Variants in CACNA1C observed in about 807,000 individuals in gnomAD.
CACNA1C encodes the protein voltage-dependent L-type calcium channel subunit alpha-1C.
A neutral mutation model predicts 229.0 loss-of-function variants in CACNA1C; 30 were observed. The observed-to-expected ratio is 0.13, with a 90% CI of 0.10 to 0.18. The LOEUF (loss-of-function observed/expected upper bound fraction) is 0.18. CACNA1C is among the 10% of genes least tolerant of loss of function. CACNA1C has a pLI of 1.00. For synonymous variants in CACNA1C, 1,114 were observed against 1,132.5 expected (o/e 0.98, Z 0.33); for missense variants, 1,658 against 2,845.0 (o/e 0.58, Z 9.49).
At position 2,278,396 on chromosome 12, in the gene CACNA1C, T is replaced by G. The variant is rs112036760; in HGVS notation, c.477+157966T>G. 3.2e-3 allele frequency among the ~76,000 whole-genome samples: 484 copies of G among 152,356 alleles called. 1 individual carries two copies. The highest frequency in any genetic ancestry group is 0.011 in the African/African-American group (458 of 41,584). Reference sequence around the variant, plus strand: ...TCCCAAAAGTTTCCTTTTGCCCCTTTGTAATCCCAGTAGCTCAGCCCTCCT... The same window carrying G: ...TCCCAAAAGTTTCCTTTTGCCCCTTGGTAATCCCAGTAGCTCAGCCCTCCT... On this transcript the variant is annotated intron_variant, in intron 3 of 46. Coordinates refer to ENST00000399655, the MANE Select transcript of CACNA1C (RefSeq NM_000719.7).
intron 1 of CACNA1C, among the ~76,000 whole-genome samples, chr12:2,075,956 A>G (rs750797180): frequency 1.2e-4 from 18 of 152,196 alleles, no homozygotes; most frequent in Non-Finnish European, 2.1e-4. Context: ...GCATGCTCAG[A>G]GATAAAAGTC....
At chr12:1,978,497 C>A (rs1208212154) in intron 1 of CACNA1C, among the ~76,000 whole-genome samples, 2 of 152,088 alleles carry the variant, frequency 1.3e-5, no homozygotes, top group South Asian at 2.1e-4. Context: ...TTAAATACTT[C>A]TTTTATAAGG....
In CACNA1C at chr12:2,679,805, GAGGC is replaced by G; in HGVS notation, c.5444+10_5444+13del. Reference sequence around the variant, plus strand: ...AAGCTCAGCTCCAACAGGTAAGTGGGAGGCTGGCCACCCCAGGCGGCACACAGGG... The same window carrying G: ...AAGCTCAGCTCCAACAGGTAAGTGGGTGGCCACCCCAGGCGGCACACAGGG... On this transcript the variant is annotated intron_variant, in intron 42 of 46. Coordinates refer to ENST00000399655, the MANE Select transcript of CACNA1C (RefSeq NM_000719.7). The surrounding 1 kb of genome is among the most constrained non-coding windows in gnomAD (Gnocchi z 5.5). The G allele has an allele frequency of 6.5e-7, 1 of 1,540,562 alleles. No individual in the cohort carries two copies. The highest frequency in any genetic ancestry group is 8.8e-7 in the Non-Finnish European group (1 of 1,137,624).
At position 2,166,665 on chromosome 12, in the gene CACNA1C, T is replaced by C. The variant is rs150235547; in HGVS notation, c.477+46235T>C. 2.1e-3 allele frequency among the ~76,000 whole-genome samples: 319 copies of C among 152,366 alleles called. 3 individuals carry two copies. The highest frequency in any genetic ancestry group is 7.5e-3 in the African/African-American group (310 of 41,590). ...TCCCTCATAGCGTTGTTAGGAGGAC[T>C]AAATGGGTTAGTATTTGTTAAATGC... On this transcript the variant is annotated intron_variant, in intron 3 of 46. Coordinates refer to ENST00000399655, the MANE Select transcript of CACNA1C (RefSeq NM_000719.7).
chr12:2,632,796 C>T lies in CACNA1C; in HGVS notation c.3829-1501C>T, dbSNP rs2091111673. ...GTCTGCATTCAGCAGGACCCTACCT[C>T]CAAATGACCATGAAAGAACCTGGGG... On this transcript the variant is annotated intron_variant, in intron 29 of 46. Transcript: ENST00000399655. This position sits in a 1 kb window ranked among gnomAD's most constrained non-coding sequence, Gnocchi z 4.1. 6.6e-6 allele frequency among the ~76,000 whole-genome samples: 1 copy of T among 152,156 alleles called. No homozygotes were observed.
intron 5 of CACNA1C, among the ~76,000 whole-genome samples, chr12:2,478,230 G>A (rs533524230): frequency 6.6e-5 from 10 of 152,194 alleles, no homozygotes; most frequent in African/African-American, 2.2e-4. Context: ...ACCGTCCTTT[G>A]GGCATAATTC....
intron 3 of CACNA1C, among the ~76,000 whole-genome samples, chr12:2,380,030 C>CAAAAA (rs1172016514): frequency 1.2e-4 from 10 of 80,152 alleles, no homozygotes; most frequent in African/African-American, 3.8e-4. Context: ...GACTCCGTCT[C>CAAAAA]AAAAAAAAAA....
intron 3 of CACNA1C, among the ~76,000 whole-genome samples, chr12:2,252,899 G>A (rs1323940350): frequency 6.7e-6 from 1 of 149,688 alleles, no homozygotes; most frequent in African/African-American, 2.5e-5. Flanking sequence ...CCATACATTC[G>A]AGTTAGCTTG....
chr12:2,675,851 C>T (rs2096781648), intron 39 of CACNA1C: 1 of 152,192 alleles, frequency 6.6e-6, no homozygotes, highest in Non-Finnish European at 1.5e-5. Context: ...CTACTTAATG[C>T]TAGTGGCACC....
chr12:2,120,264 A>G, intron 2 of CACNA1C, 61 bp from the exon 3 acceptor site: 1 of 849,112 alleles, frequency 1.2e-6, no homozygotes, highest in Non-Finnish European at 2.1e-6. Context: ...AAAAATATGT[A>G]GATTATGTTT....
intron 8 of CACNA1C, among the ~76,000 whole-genome samples, chr12:2,506,793 C>A (rs1407379566): frequency 1.3e-5 from 2 of 152,096 alleles, no homozygotes; most frequent in African/African-American, 2.4e-5. Flanking sequence ...CAGCTCAAGA[C>A]TTTTAAAAGA....
intron 1 of CACNA1C, among the ~76,000 whole-genome samples, chr12:1,995,227 C>T (rs1593290744): frequency 6.6e-6 from 1 of 151,868 alleles, no homozygotes; most frequent in African/African-American, 2.4e-5. Context: ...AAAAAAAAAC[C>T]CTACTAAAAA....
intron 1 of CACNA1C, among the ~76,000 whole-genome samples, chr12:2,088,999 T>C (rs2068925478): frequency 6.6e-6 from 1 of 152,196 alleles, no homozygotes; most frequent in Non-Finnish European, 1.5e-5. Context: ...TTCTTACTTC[T>C]GGGAGACCCT....
intron 5 of CACNA1C, among the ~76,000 whole-genome samples, chr12:2,472,778 A>T (rs959672433): frequency 1.3e-5 from 2 of 152,168 alleles, no homozygotes; most frequent in Non-Finnish European, 2.9e-5. Flanking sequence ...GAATATTAGA[A>T]TCATGGATAA....
At chr12:2,006,429 T>C (rs780676011) in intron 1 of CACNA1C, among the ~76,000 whole-genome samples, 7 of 152,058 alleles carry the variant, frequency 4.6e-5, no homozygotes, top group African/African-American at 7.2e-5. Flanking sequence ...AAATAAAAAG[T>C]AATTAAAAAA....
chr12:2,682,093 G>A, intron 42 of CACNA1C: 2 of 1,188,734 alleles, frequency 1.7e-6, no homozygotes, highest in Non-Finnish European at 1.2e-6. Flanking sequence ...CAGGGTGCCA[G>A]TGTCAGAATC....
intron 37 of CACNA1C, among the ~76,000 whole-genome samples, chr12:2,668,000 A>T (rs921107915): frequency 6.6e-6 from 1 of 152,222 alleles, no homozygotes; most frequent in Non-Finnish European, 1.5e-5. Context: ...GCTGGGAAAG[A>T]AGAGGGCAAG....
intron 4 of CACNA1C, among the ~76,000 whole-genome samples, chr12:2,450,509 A>G (rs185783209): frequency 0.16 from 20,449 of 126,656 alleles, 1,619 homozygotes; most frequent in African/African-American, 0.2. Flanking sequence ...AGCCGAGATC[A>G]TGCCACTGCA....
chr12:2,519,324 C>G (rs1004796379), intron 9 of CACNA1C, among the ~76,000 whole-genome samples: 11 of 152,218 alleles, frequency 7.2e-5, no homozygotes, highest in African/African-American at 2.4e-4. Flanking sequence ...ATGCCATATG[C>G]CAGTTTTGGC....
Sources: allele counts gnomAD v4.1 joint callset (sites outside exome capture counted in the v4.1 genomes callset), GRCh38; gene constraint gnomAD v4.1.1; non-coding constraint Gnocchi (gnomAD v3.1); transcripts MANE v1.5; gene names NCBI Gene and HGNC (gene_info 2026-07-23, HGNC 2026-07-21).